The following ARHGEF25 variants were observed in gnomAD, a reference collection of about 807,000 sequenced individuals.
The protein encoded by ARHGEF25 is Rho guanine nucleotide exchange factor 25.
A neutral mutation model predicts 74.0 loss-of-function variants in ARHGEF25; 42 were observed. The observed-to-expected ratio is 0.57, with a 90% CI of 0.44 to 0.73. The LOEUF is 0.73. ARHGEF25 is among the 30% of genes least tolerant of loss of function. The probability of loss-of-function intolerance (pLI) is 0.00; values close to 1 mark genes in which losing one functional copy is unlikely to be tolerated. For missense variants in ARHGEF25, 645 were observed against 725.5 expected, an observed-to-expected ratio of 0.89 and a Z score of 1.27; for synonymous variants, 293 against 278.6, an observed-to-expected ratio of 1.05 and a Z score of -0.51.
intron 10 of ARHGEF25, 23 bp from the exon 11 acceptor site, chr12:57,615,214 C>T (rs370108629): frequency 2.0e-5 from 31 of 1,577,894 alleles, no homozygotes; most frequent in Middle Eastern, 1.7e-4. Context: ...CCCAACAATG[C>T]GCCTCCCTCA....
chr12:57,611,435 A>T lies in ARHGEF25; in HGVS notation c.-460A>T. ...TGGCGGCCCCGCGGCCAGGCCTGTT[A>T]TTCAGCTCTCCGCTCCGCTGGGACC... On this transcript the variant is annotated 5_prime_UTR_variant, in exon 1 of 15. Transcript: ENST00000286494. This position sits in a 1 kb window ranked among gnomAD's most constrained non-coding sequence, Gnocchi z 4.5. 6 of 985,002 alleles carry T rather than the reference A, an allele frequency of 6.1e-6. No homozygotes were observed. Among genetic ancestry groups the T allele is most frequent in the Non-Finnish European group, 7.2e-6 (6 of 829,872 alleles). The allele number at this position is 985,002 out of a possible 1,614,324, so 61.0% of individuals were successfully genotyped here.
Position 57,616,978 on chromosome 12 carries a change from A to T in ARHGEF25, c.*84A>T. The T allele has an allele frequency of 9.3e-7, 1 of 1,072,512 alleles. No homozygotes were observed. Among genetic ancestry groups the T allele is most frequent in the Non-Finnish European group, 1.4e-6 (1 of 707,680 alleles). The allele number at this position is 1,072,512 out of a possible 1,614,324, so 66.4% of individuals were successfully genotyped here. A position where few individuals can be genotyped will look rare whatever the true frequency, so the allele number is the denominator to read the frequency against. On this transcript the variant is annotated 3_prime_UTR_variant, in exon 15 of 15. Transcript: ENST00000286494. ...GGCAGTCCTTCTGGCACTGCTCCAG[A>T]ATTCCTCCTTCTTGGTGTGTCTGGA...
intron 10 of ARHGEF25, 57 bp from the exon 11 acceptor site, chr12:57,615,180 C>T: frequency 6.4e-6 from 10 of 1,563,570 alleles, no homozygotes; most frequent in Non-Finnish European, 8.7e-7. Context: ...GAGGAGGCCT[C>T]TTTCCCAATA....
upstream of ARHGEF25, chr12:57,610,203 G>T (rs1883976416): frequency 6.4e-7 from 1 of 1,564,422 alleles, no homozygotes; most frequent in Non-Finnish European, 8.7e-7. Flanking sequence ...CTTGGAGCAG[G>T]GTGGGGGTTC....
chr12:57,611,481 G>A lies in ARHGEF25; in HGVS notation c.-414G>A, dbSNP rs942594278. 2.0e-6 allele frequency: 2 copies of A among 985,692 alleles called. No homozygotes were observed. The highest frequency in any genetic ancestry group is 2.4e-6 in the Non-Finnish European group (2 of 830,244). The allele number at this position is 985,692 out of a possible 1,614,324, so 61.1% of individuals were successfully genotyped here. A position where few individuals can be genotyped will look rare whatever the true frequency, so the allele number is the denominator to read the frequency against. On this transcript the variant is annotated 5_prime_UTR_variant, in exon 1 of 15. Coordinates refer to ENST00000286494, the MANE Select transcript of ARHGEF25 (RefSeq NM_182947.4). The surrounding 1 kb of genome is among the most constrained non-coding windows in gnomAD (Gnocchi z 4.5). The stretch of plus-strand genomic sequence containing the variant: ...GGACCCGCACAGCGCCAGTGGCTCG[G>A]GGGTCGGCCCTCGCCTCCTCCCCGG...
Position 57,611,546 on chromosome 12 carries a change from G to A in ARHGEF25, c.-349G>A, listed in dbSNP as rs1884041494. 1.0e-6 allele frequency: 1 copy of A among 992,024 alleles called. No individual in the cohort carries two copies. The highest frequency in any genetic ancestry group is 1.2e-6 in the Non-Finnish European group (1 of 834,378). The allele number at this position is 992,024 out of a possible 1,614,324, so 61.5% of individuals were successfully genotyped here. On this transcript the variant is annotated 5_prime_UTR_variant, in exon 1 of 15. Coordinates refer to ENST00000286494, the MANE Select transcript of ARHGEF25 (RefSeq NM_182947.4). This position sits in a 1 kb window ranked among gnomAD's most constrained non-coding sequence, Gnocchi z 4.5. The stretch of plus-strand genomic sequence containing the variant: ...CACCCCTAACCAGAGGCCGGAGACA[G>A]CTGGAGCGGCTGCCGCATCCCGGCC...
In ARHGEF25 at chr12:57,614,490, T is replaced by C; in HGVS notation, c.727-26T>C. ...CGTCCTCCCTCCTTGCCCACCCTGC[T>C]CTCTCTTAAACATTACCCCTGTTAG... On this transcript the variant is annotated intron_variant, in intron 7 of 14. Coordinates refer to ENST00000286494, the MANE Select transcript of ARHGEF25 (RefSeq NM_182947.4). This position sits in a 1 kb window ranked among gnomAD's most constrained non-coding sequence, Gnocchi z 4.6. 6.2e-7 allele frequency: 1 copy of C among 1,614,084 alleles called. No individual in the cohort carries two copies. The highest frequency in any genetic ancestry group is 8.5e-7 in the Non-Finnish European group (1 of 1,179,992).
upstream of ARHGEF25, chr12:57,611,362 G>C: frequency 1.1e-6 from 1 of 876,270 alleles, no homozygotes; most frequent in African/African-American, 1.8e-5. This position sits in a 1 kb window ranked among gnomAD's most constrained non-coding sequence, Gnocchi z 4.5. Context: ...AGGCAGGAGG[G>C]GGAACGCGAT....
At position 57,611,480 on chromosome 12, in the gene ARHGEF25, G is replaced by A; in HGVS notation, c.-415G>A. The A allele has an allele frequency of 2.0e-6, 2 of 985,546 alleles. No individual in the cohort carries two copies. Among genetic ancestry groups the A allele is most frequent in the Non-Finnish European group, 2.4e-6 (2 of 830,054 alleles). 61.1% of individuals were successfully genotyped at this position (985,546 alleles called of 1,614,324 possible). On this transcript the variant is annotated 5_prime_UTR_variant, in exon 1 of 15. Coordinates refer to ENST00000286494, the MANE Select transcript of ARHGEF25 (RefSeq NM_182947.4). This position sits in a 1 kb window ranked among gnomAD's most constrained non-coding sequence, Gnocchi z 4.5. ...GGGACCCGCACAGCGCCAGTGGCTC[G>A]GGGGTCGGCCCTCGCCTCCTCCCCG... is the stretch of plus-strand genomic sequence containing the variant.
Position 57,615,989 on chromosome 12 carries a change from C to T in ARHGEF25, c.1392C>T (p.Ile464=). The T allele has an allele frequency of 6.2e-7, 1 of 1,613,234 alleles. No individual in the cohort carries two copies. The highest frequency in any genetic ancestry group is 1.1e-5 in the South Asian group (1 of 90,960). ...SQAWIKHVAQ[I]LESQRDFLNA... is the part of the protein sequence containing the mutation. ...CCTGGATCAAGCATGTGGCTCAGAT[C>T]TTGGAGAGCCAACGGGACTTCCTCA... The change falls in exon 13 of 15, where the codon ATC becomes ATT. Residue 464 remains isoleucine, a synonymous_variant. Coordinates refer to ENST00000286494, the MANE Select transcript of ARHGEF25 (RefSeq NM_182947.4).
Position 57,615,929 on chromosome 12 carries a change from T to G in ARHGEF25, c.1332T>G (p.Tyr444Ter), listed in dbSNP as rs1386501253. 2 of 1,614,060 alleles carry G rather than the reference T, an allele frequency of 1.2e-6. No individual in the cohort carries two copies. The highest frequency in any genetic ancestry group is 1.3e-5 in the African/African-American group (1 of 74,946). The change falls in exon 13 of 15, where the codon TAT becomes TAG. Residue 444 changes from tyrosine (Y) to a stop codon, truncating the protein, a stop_gained. Transcript: ENST00000286494. LOFTEE classifies it high-confidence loss of function. The part of the protein sequence containing the change: ...SRGPEGGIQR[Y>*]VLQAADPAIS... Reference sequence around the variant, plus strand: ...GGCCAGAGGGTGGGATCCAGCGCTATGTCCTGCAGGCTGCAGACCCTGCTA... The same window carrying G: ...GGCCAGAGGGTGGGATCCAGCGCTAGGTCCTGCAGGCTGCAGACCCTGCTA...
At position 57,614,975 on chromosome 12, in the gene ARHGEF25, C is replaced by T. The variant is rs1365890666; in HGVS notation, c.918C>T (p.Leu306=). ...TCTTCTCTCTGTCTTAGGATTTTCT[C>T]AAGTATTACAATAGAGCTGGGATGG... is the stretch of plus-strand genomic sequence containing the variant. ...MKYQLLLKDF[L]KYYNRAGMDT... is the part of the protein sequence containing the mutation. The change falls in exon 10 of 15, where the codon CTC becomes CTT. Residue 306 remains leucine, a synonymous_variant. Transcript: ENST00000286494. The surrounding 1 kb of genome is among the most constrained non-coding windows in gnomAD (Gnocchi z 4.6). 1.9e-6 allele frequency: 3 copies of T among 1,613,956 alleles called. No individual in the cohort carries two copies. Among genetic ancestry groups the T allele is most frequent in the Non-Finnish European group, 2.5e-6 (3 of 1,180,000 alleles).
intron 13 of ARHGEF25, 130 bp downstream of exon 13, chr12:57,616,147 T>A: frequency 6.8e-7 from 1 of 1,463,360 alleles, no homozygotes; most frequent in Non-Finnish European, 9.2e-7. Context: ...AGCTCAAAAT[T>A]TGATAGAATC....
intron 14 of ARHGEF25, 121 bp from the exon 15 acceptor site, chr12:57,616,663 C>A: frequency 1.0e-6 from 1 of 978,030 alleles, no homozygotes; most frequent in Non-Finnish European, 1.6e-6. Context: ...AGCTGATAGT[C>A]TCAGACAGTC....
intron 4 of ARHGEF25, 21 bp from the exon 5 acceptor site, chr12:57,613,673 C>T: frequency 6.2e-7 from 1 of 1,613,594 alleles, no homozygotes; most frequent in East Asian, 2.2e-5. Flanking sequence ...AAGTGGGGGC[C>T]TCCTCCTGCT....
rs368208007 is a variant in ARHGEF25 at position 57,613,454 on chromosome 12, G to C, written c.423G>C (p.Glu141Asp). ...PGDKTQPPEEETLSQAPESEE... is the reference protein window; with the variant it reads ...PGDKTQPPEEDTLSQAPESEE... ...TTTCCTTCCAGCCACCTGAAGAGGA[G>C]ACTTTGTCCCAAGCCCCTGAGAGTG... Residue 141 changes from glutamate (E) to aspartate (D), a missense_variant, in exon 4 of 15, where the codon GAG becomes GAC. By Grantham distance (45) the Glu-to-Asp change is conservative. This residue lies in a region of ARHGEF25 where 189 missense variants were observed against 199.1 expected (regional missense o/e 0.95). Coordinates refer to ENST00000286494, the MANE Select transcript of ARHGEF25 (RefSeq NM_182947.4). 6.2e-7 allele frequency: 1 copy of C among 1,614,126 alleles called. No individual in the cohort carries two copies. Among genetic ancestry groups the C allele is most frequent in the African/African-American group, 1.3e-5 (1 of 74,936 alleles).
chr12:57,616,037 T>C lies in ARHGEF25; in HGVS notation c.1420+20T>C. 1.9e-6 allele frequency: 3 copies of C among 1,601,684 alleles called. No individual in the cohort carries two copies. Among genetic ancestry groups the C allele is most frequent in the Non-Finnish European group, 2.6e-6 (3 of 1,172,518 alleles). ...TCAACGGTGAAGCTCTCATCCTTTC[T>C]TCCCGATGTGCTCTCTCAGCCCCTT... On this transcript the variant is annotated intron_variant, in intron 13 of 14. Coordinates refer to ENST00000286494, the MANE Select transcript of ARHGEF25 (RefSeq NM_182947.4).
rs774617886 is a variant in ARHGEF25, at chr12:57,611,883, G to T, written c.-12G>T. On this transcript the variant is annotated 5_prime_UTR_variant, in exon 1 of 15. Coordinates refer to ENST00000286494, the MANE Select transcript of ARHGEF25 (RefSeq NM_182947.4). The surrounding 1 kb of genome is among the most constrained non-coding windows in gnomAD (Gnocchi z 4.5). ...CCGGCCCGGGTGGGGGGCGCGGGGG[G>T]GCCCGGGCGCCATGCGGGGGGGGCA... The T allele has an allele frequency of 4.0e-6, 5 of 1,235,290 alleles. No homozygotes were observed. The Admixed American group carries it at 1.5e-4, about 38-fold the overall frequency. 76.5% of individuals were successfully genotyped at this position (1,235,290 alleles called of 1,614,324 possible). A position where few individuals can be genotyped will look rare whatever the true frequency, so the allele number is the denominator to read the frequency against.
chr12:57,612,273 C>A (rs148826709), intron 1 of ARHGEF25: 121 of 217,558 alleles, frequency 5.6e-4, no homozygotes, highest in African/African-American at 2.6e-3. Context: ...CGATTATTTT[C>A]CTCAAACCTT....
Sources: allele counts gnomAD v4.1 joint callset, GRCh38; gene constraint gnomAD v4.1.1; regional missense constraint gnomAD v4.1.1; non-coding constraint Gnocchi (gnomAD v3.1); transcripts MANE v1.5; gene names NCBI Gene and HGNC (gene_info 2026-07-23, HGNC 2026-07-21).